LYG2: variants seen among roughly 807,000 people sequenced by gnomAD.
LYG2 encodes lysozyme g-like protein 2.
Under a neutral mutation model 22.4 loss-of-function variants are expected in LYG2, and 25 were observed. That is an observed-to-expected ratio of 1.12 (90% confidence interval 0.81 to 1.56). LYG2 has a LOEUF of 1.56. LYG2 is among the 40% of genes most tolerant of loss of function. The probability of loss-of-function intolerance (pLI) is 0.00; values close to 1 mark genes in which losing one functional copy is unlikely to be tolerated. For missense variants in LYG2, 266 were observed against 269.5 expected (o/e 0.99, Z 0.09); for synonymous variants, 88 against 97.0 (o/e 0.91, Z 0.55).
At chr2:99,245,009 G>A (rs924579138) in intron 5 of LYG2, among the ~76,000 whole-genome samples, 2 of 151,866 alleles carry the variant, frequency 1.3e-5, no homozygotes, top group African/African-American at 4.8e-5. Context: ...CTACTCAGGA[G>A]GCTGAGGGAG....
chr2:99,250,579 T>G (rs1258035242), intron 3 of LYG2, among the ~76,000 whole-genome samples: 2 of 152,198 alleles, frequency 1.3e-5, no homozygotes, highest in Non-Finnish European at 2.9e-5. Flanking sequence ...TTTCAGCATG[T>G]TAGCCAGGAT....
At chr2:99,253,980 G>T (rs557810932) in intron 3 of LYG2, among the ~76,000 whole-genome samples, 10 of 152,160 alleles carry the variant, frequency 6.6e-5, no homozygotes, top group Middle Eastern at 3.2e-3. Context: ...CAGACAGGAA[G>T]TAAGCAGATC....
At chr2:99,250,244 C>T (rs982954229) in intron 3 of LYG2, among the ~76,000 whole-genome samples, 1 of 152,036 alleles carries the variant, frequency 6.6e-6, no homozygotes, top group African/African-American at 2.4e-5. Flanking sequence ...ATCACCTTAT[C>T]AGCAGAATAT....
intron 1 of LYG2, 153 bp from the exon 2 acceptor site, chr2:99,255,290 A>G (rs1191870314): frequency 6.6e-6 from 1 of 152,214 alleles, no homozygotes; most frequent in African/African-American, 2.4e-5. Context: ...TGTACCAATG[A>G]TCATTAGAGG....
At chr2:99,252,882 T>C (rs1193292133) in intron 3 of LYG2, among the ~76,000 whole-genome samples, 1 of 151,662 alleles carries the variant, frequency 6.6e-6, no homozygotes, top group African/African-American at 2.4e-5. Flanking sequence ...CTGTCTCTAC[T>C]AAAAATACAA....
chr2:99,253,174 A>T (rs1212790577), intron 3 of LYG2, among the ~76,000 whole-genome samples: 1 of 152,048 alleles, frequency 6.6e-6, no homozygotes, highest in East Asian at 1.9e-4. Flanking sequence ...ACTCTTACAC[A>T]TGTTTATGAA....
intron 3 of LYG2, among the ~76,000 whole-genome samples, chr2:99,249,761 C>CAAAAA (rs70940156): frequency 6.1e-5 from 4 of 65,290 alleles, no homozygotes; most frequent in Non-Finnish European, 8.6e-5. Context: ...AACTCTGTCT[C>CAAAAA]AAAAAAAAAA....
chr2:99,250,319 T>C (rs1054220370), intron 3 of LYG2, among the ~76,000 whole-genome samples: 2 of 150,740 alleles, frequency 1.3e-5, no homozygotes, highest in African/African-American at 4.9e-5. Context: ...TAAACCACAC[T>C]CAAAAGAAGA....
upstream of LYG2, among the ~76,000 whole-genome samples, chr2:99,256,174 A>C (rs1465100856): frequency 6.6e-6 from 1 of 152,190 alleles, no homozygotes; most frequent in Admixed American, 6.5e-5. Flanking sequence ...CTCCACTCCC[A>C]GGAGAACATG....
At chr2:99,257,492 C>A (rs1005015447), upstream of LYG2, among the ~76,000 whole-genome samples, 5 of 152,148 alleles carry the variant, frequency 3.3e-5, no homozygotes, top group Admixed American at 2.6e-4. Flanking sequence ...AAGAAATGTA[C>A]TGAATAATTC....
At chr2:99,246,022 C>T (rs975145260) in intron 4 of LYG2, among the ~76,000 whole-genome samples, 1 of 152,096 alleles carries the variant, frequency 6.6e-6, no homozygotes, top group African/African-American at 2.4e-5. Context: ...GCAGGAGAAT[C>T]GCTTGAACCT....
At chr2:99,251,519 T>C (rs572073969) in intron 3 of LYG2, among the ~76,000 whole-genome samples, 1 of 152,290 alleles carries the variant, frequency 6.6e-6, no homozygotes, top group South Asian at 2.1e-4. Flanking sequence ...ATAGCAGAGG[T>C]ACAAATATAA....
At chr2:99,255,891 T>C (rs574779052), upstream of LYG2, among the ~76,000 whole-genome samples, 1 of 152,280 alleles carries the variant, frequency 6.6e-6, no homozygotes, top group East Asian at 1.9e-4. Flanking sequence ...AGAGAGTATC[T>C]TTCTTCAGGC....
At chr2:99,252,436 T>C (rs1373510527) in intron 3 of LYG2, among the ~76,000 whole-genome samples, 1 of 152,122 alleles carries the variant, frequency 6.6e-6, no homozygotes, top group Non-Finnish European at 1.5e-5. Context: ...CCTCTCACTC[T>C]CTTACTGTTC....
chr2:99,243,691 AGC>A, intron 6 of LYG2: 5 of 431,154 alleles, frequency 1.2e-5, no homozygotes, highest in African/African-American at 4.5e-5. Context: ...CACCATGCCC[AGC>A]TTTTTTTTTT....
rs79919264 is a variant in LYG2 at position 99,242,301 on chromosome 2, G to A, written c.*63C>T. ...CCAGTGTTGTATACAACACATTCACGTAAAACTCTCAAAGGCGGCCATCTG... is the reference window on the plus strand; with the variant it reads ...CCAGTGTTGTATACAACACATTCACATAAAACTCTCAAAGGCGGCCATCTG... On this transcript the variant is annotated 3_prime_UTR_variant, in exon 7 of 7. Transcript: ENST00000333017. The A allele has an allele frequency of 0.012, 10,461 of 854,284 alleles. 109 individuals carry two copies. Among genetic ancestry groups the A allele is most frequent in the Non-Finnish European group, 0.014 (7,510 of 529,446 alleles). The allele number at this position is 854,284 out of a possible 1,614,324, so 52.9% of individuals were successfully genotyped here.
In LYG2 at chr2:99,246,741, C is replaced by T; in HGVS notation, c.123G>A (p.Gly41=). The T allele has an allele frequency of 1.2e-6, 2 of 1,614,146 alleles. No homozygotes were observed. The highest frequency in any genetic ancestry group is 1.7e-6 in the Non-Finnish European group (2 of 1,180,002). The change falls in exon 4 of 7, where the codon GGG becomes GGA. Residue 41 remains glycine, a synonymous_variant. Coordinates refer to ENST00000333017, the MANE Select transcript of LYG2 (RefSeq NM_175735.4). ...LHPRLYHGCY[G]DIMTMKTSGA... is the part of the protein sequence containing the mutation. The stretch of plus-strand genomic sequence containing the variant: ...CAGAGGTCTTCATGGTCATGATGTC[C>T]CCATAGCAGCCGTGGTACAGGCGTG...
upstream of LYG2, among the ~76,000 whole-genome samples, chr2:99,256,187 C>T (rs547760198): frequency 1.3e-5 from 2 of 152,302 alleles, no homozygotes; most frequent in South Asian, 2.1e-4. Context: ...AGAACATGCC[C>T]TCCCCAAGCT....
At chr2:99,257,706 C>T (rs576477676), upstream of LYG2, among the ~76,000 whole-genome samples, 10 of 152,294 alleles carry the variant, frequency 6.6e-5, no homozygotes, top group South Asian at 1.5e-3. Context: ...TTGCCTGCTC[C>T]TAAGACTCTT....
Sources: allele counts gnomAD v4.1 joint callset (sites outside exome capture counted in the v4.1 genomes callset), GRCh38; gene constraint gnomAD v4.1.1; transcripts MANE v1.5; gene names NCBI Gene and HGNC (gene_info 2026-07-23, HGNC 2026-07-21).